Variants in RARB observed in about 807,000 individuals in gnomAD.
The protein encoded by RARB is retinoic acid receptor beta.
In RARB, 17 loss-of-function variants were observed where a neutral mutation model predicts 51.9. The ratio of observed to expected loss-of-function variants is 0.33; its 90% CI spans 0.22 to 0.49. The LOEUF is 0.49. RARB is among the 20% of genes least tolerant of loss of function. RARB has a pLI of 0.99. For missense variants in RARB, 369 were observed against 550.8 expected, an observed-to-expected ratio of 0.67 and a Z score of 3.30; for synonymous variants, 215 against 195.4, an observed-to-expected ratio of 1.10 and a Z score of -0.84.
At chr3:24,839,382 T>G (rs1702388162) in intron 1 of RARB, among the ~76,000 whole-genome samples, 1 of 151,942 alleles carries the variant, frequency 6.6e-6, no homozygotes, top group Admixed American at 6.6e-5. Flanking sequence ...GGATAAATTG[T>G]GATGAATTAT....
intron 2 of RARB, among the ~76,000 whole-genome samples, chr3:24,952,774 A>C (rs1452718128): frequency 1.3e-5 from 2 of 152,124 alleles, no homozygotes; most frequent in African/African-American, 4.8e-5. Flanking sequence ...TCATTACAAA[A>C]ACATCAAACC....
At chr3:24,990,992 T>C (rs1696897390) in intron 2 of RARB, among the ~76,000 whole-genome samples, 1 of 152,258 alleles carries the variant, frequency 6.6e-6, no homozygotes, top group Non-Finnish European at 1.5e-5. Flanking sequence ...AATGGAGTCA[T>C]TTTAAAAATT....
At chr3:25,534,615 T>C (rs1158071550) in intron 3 of RARB, among the ~76,000 whole-genome samples, 3 of 152,222 alleles carry the variant, frequency 2.0e-5, no homozygotes, top group Non-Finnish European at 4.4e-5. Flanking sequence ...TGAACATACC[T>C]GTTTGGATAC....
intron 3 of RARB, among the ~76,000 whole-genome samples, chr3:25,114,340 C>T (rs1909526): frequency 0.49 from 73,909 of 151,952 alleles, 18,413 homozygotes; most frequent in East Asian, 0.66. Flanking sequence ...TGAGGCTTTG[C>T]GTTCATTATC....
intron 5 of RARB, among the ~76,000 whole-genome samples, chr3:25,372,569 C>G (rs1262756518): frequency 1.3e-5 from 2 of 152,160 alleles, no homozygotes; most frequent in African/African-American, 4.8e-5. Context: ...CAACTGTAAT[C>G]CCAGCACTTT....
At chr3:25,006,793 C>T (rs1206427874) in intron 2 of RARB, among the ~76,000 whole-genome samples, 3 of 152,210 alleles carry the variant, frequency 2.0e-5, no homozygotes, top group African/African-American at 7.2e-5. Flanking sequence ...GACATTACAC[C>T]TTAGAGTCCT....
chr3:25,281,968 C>A (rs940179946), intron 5 of RARB, among the ~76,000 whole-genome samples: 3 of 152,098 alleles, frequency 2.0e-5, no homozygotes, highest in African/African-American at 7.2e-5. Context: ...GCTAGGGGTT[C>A]AGAGTACAGA....
chr3:25,409,240 A>C (rs1707494741), intron 5 of RARB, among the ~76,000 whole-genome samples: 1 of 152,166 alleles, frequency 6.6e-6, no homozygotes, highest in African/African-American at 2.4e-5. Flanking sequence ...TAAGAAAAAA[A>C]ATTTTCACCT....
chr3:25,041,901 G>A (rs1698122507), intron 2 of RARB, among the ~76,000 whole-genome samples: 1 of 152,120 alleles, frequency 6.6e-6, no homozygotes. Flanking sequence ...TGGAACATGA[G>A]AATGTAAAAT....
intron 5 of RARB, among the ~76,000 whole-genome samples, chr3:25,355,389 G>T (rs1038563523): frequency 2.4e-4 from 36 of 152,136 alleles, no homozygotes; most frequent in Non-Finnish European, 2.9e-5. Context: ...AGGACTTTAA[G>T]ATCTGAGATA....
chr3:25,208,767 G>C (rs757351374), intron 5 of RARB, among the ~76,000 whole-genome samples: 1 of 152,090 alleles, frequency 6.6e-6, no homozygotes, highest in Non-Finnish European at 1.5e-5. Flanking sequence ...CATGTTGGCT[G>C]CCAAGTTCCC....
intron 5 of RARB, among the ~76,000 whole-genome samples, chr3:25,245,303 A>G (rs1178869314): frequency 6.6e-6 from 1 of 152,126 alleles, no homozygotes. Flanking sequence ...GCCTGTTTAC[A>G]TTTAAGGTTT....
intron 2 of RARB, among the ~76,000 whole-genome samples, chr3:25,056,712 T>C (rs1466654806): frequency 6.6e-6 from 1 of 152,170 alleles, no homozygotes; most frequent in Non-Finnish European, 1.5e-5. Context: ...GTATATATGA[T>C]AAGATAATTC....
At chr3:24,973,777 T>A (rs953893293) in intron 2 of RARB, among the ~76,000 whole-genome samples, 7 of 152,106 alleles carry the variant, frequency 4.6e-5, no homozygotes, top group Admixed American at 3.3e-4. Context: ...ATATAAATAC[T>A]ACTGATTTTT....
intron 4 of RARB, among the ~76,000 whole-genome samples, chr3:25,133,256 C>CT (rs541000654): frequency 1.3e-5 from 2 of 151,950 alleles, no homozygotes; most frequent in Non-Finnish European, 2.9e-5. Flanking sequence ...TTCTCAATTA[C>CT]TTTTCAATTC....
At chr3:24,869,236 T>C (rs975380881) in intron 2 of RARB, among the ~76,000 whole-genome samples, 3 of 152,296 alleles carry the variant, frequency 2.0e-5, no homozygotes, top group Middle Eastern at 3.4e-3. Context: ...AGATTTTTCA[T>C]AATGTGTCTT....
intron 5 of RARB, among the ~76,000 whole-genome samples, chr3:25,233,758 T>G (rs1467575751): frequency 6.7e-6 from 1 of 149,990 alleles, no homozygotes. Context: ...CGTTTTTGTT[T>G]GGTTGTTGTT....
At chr3:25,332,268 A>G (rs1057334543) in intron 5 of RARB, among the ~76,000 whole-genome samples, 13 of 152,202 alleles carry the variant, frequency 8.5e-5, no homozygotes, top group Admixed American at 6.5e-5. Flanking sequence ...TCGATGCAGA[A>G]ATCCTCAATA....
chr3:25,435,132 T>A (rs181389906), intron 1 of RARB, among the ~76,000 whole-genome samples: 2 of 152,168 alleles, frequency 1.3e-5, no homozygotes, highest in Admixed American at 1.3e-4. Flanking sequence ...AGCTTCTTAT[T>A]TTTTAAGTTT....
Sources: allele counts gnomAD v4.1 joint callset (sites outside exome capture counted in the v4.1 genomes callset), GRCh38; gene constraint gnomAD v4.1.1; transcripts MANE v1.5; gene names NCBI Gene and HGNC (gene_info 2026-07-23, HGNC 2026-07-21).